IGHMBP2: variants seen among roughly 807,000 people sequenced by gnomAD.
The protein encoded by IGHMBP2 is immunoglobulin mu DNA binding protein 2.
In IGHMBP2, 81 loss-of-function variants were observed where a neutral mutation model predicts 96.0. The ratio of observed to expected loss-of-function variants is 0.84; its 90% CI spans 0.71 to 1.01. The LOEUF is 1.01. Among genes scored for constraint, IGHMBP2 ranks in the 50% least tolerant of loss-of-function variants. IGHMBP2 has a pLI of 0.00. For synonymous variants in IGHMBP2, 557 were observed against 548.9 expected (o/e 1.01, Z -0.21); for missense variants, 1,227 against 1,306.3 (o/e 0.94, Z 0.94).
chr11:68,935,740 C>T (rs1173625975), intron 12 of IGHMBP2, among the ~76,000 whole-genome samples: 8 of 152,186 alleles, frequency 5.3e-5, no homozygotes, highest in Admixed American at 3.9e-4. Flanking sequence ...CCTCCATGCA[C>T]GGAGCCGCGG....
In IGHMBP2 at chr11:68,918,285, T is replaced by C. The variant is rs567655573; in HGVS notation, c.1060+402T>C. On this transcript the variant is annotated intron_variant, in intron 7 of 14. Coordinates refer to ENST00000255078, the MANE Select transcript of IGHMBP2 (RefSeq NM_002180.3). ...TGTGTGCTCTTTTTTTTCCTGCTCT[T>C]CTGGCTGGAGGGTTTTTTTTTTTAA... Among the ~76,000 whole-genome samples the C allele has an allele frequency of 9.9e-5, 15 of 152,110 alleles. No individual in the cohort carries two copies. In the East Asian group the frequency reaches 2.9e-3, roughly 29 times the overall value.
chr11:68,913,652 CTCATGTCTGTT>C (rs2154007094), intron 5 of IGHMBP2, among the ~76,000 whole-genome samples: 1 of 151,204 alleles, frequency 6.6e-6, no homozygotes, highest in South Asian at 2.2e-4. Flanking sequence ...GGTGCAGCGG[CTCATGTCTGTT>C]ATCCTAGCGC....
At position 68,917,662 on chromosome 11, in the gene IGHMBP2, G is replaced by A. The variant is rs1858721816; in HGVS notation, c.913-74G>A. 3 of 1,199,852 alleles carry A rather than the reference G, an allele frequency of 2.5e-6. No individual in the cohort carries two copies. In the Admixed American group the frequency reaches 5.1e-5, roughly 21 times the overall value. 74.3% of individuals were successfully genotyped at this position (1,199,852 alleles called of 1,614,324 possible). A position where few individuals can be genotyped will look rare whatever the true frequency, so the allele number is the denominator to read the frequency against. ...TATTGAACTGGACTGAATGATAGAAGCACTTCATAAATAGAGTTGAAGAAG... is the reference window on the plus strand; with the variant it reads ...TATTGAACTGGACTGAATGATAGAAACACTTCATAAATAGAGTTGAAGAAG... On this transcript the variant is annotated intron_variant, in intron 6 of 14. Transcript: ENST00000255078.
chr11:68,904,088 C>T, intron 1 of IGHMBP2, 50 bp downstream of exon 1: 1 of 1,438,964 alleles, frequency 6.9e-7, no homozygotes, highest in Non-Finnish European at 9.6e-7. Context: ...CCGCCGTGTC[C>T]CGGGCAGAGT....
chr11:68,913,036 C>T (rs1399138356), intron 5 of IGHMBP2, among the ~76,000 whole-genome samples: 5 of 75,526 alleles, frequency 6.6e-5, no homozygotes, highest in Middle Eastern at 0.02. Context: ...GAGCAAAACT[C>T]CATCTCCAAA....
intron 2 of IGHMBP2, among the ~76,000 whole-genome samples, chr11:68,907,600 G>A (rs548835024): frequency 2.1e-4 from 32 of 152,220 alleles, no homozygotes; most frequent in Non-Finnish European, 2.4e-4. Flanking sequence ...TTTTGATTTC[G>A]TAGACTTTAG....
chr11:68,921,763 T>G (rs921203031), intron 7 of IGHMBP2, among the ~76,000 whole-genome samples: 1 of 152,232 alleles, frequency 6.6e-6, no homozygotes, highest in Non-Finnish European at 1.5e-5. Flanking sequence ...GGCATCATTT[T>G]CCTTCCACCT....
At chr11:68,904,136 T>G (rs909103948) in intron 1 of IGHMBP2, 98 bp downstream of exon 1, 1 of 1,041,254 alleles carries the variant, frequency 9.6e-7, no homozygotes, top group Non-Finnish European at 1.5e-6. Flanking sequence ...GGGCGGGAAT[T>G]TCGTCTCCGA....
chr11:68,936,744 G>A lies in IGHMBP2; in HGVS notation c.2264G>A (p.Arg755Lys), dbSNP rs1354540556. The part of the protein sequence containing the change: ...EFPPSLNSHD[R>K]LRVHQIAEEH... ...CCTCCTTCCCTCAATTCCCACGACA[G>A]GCTGCGGGTCCACCAAATAGCCGAG... The change falls in exon 13 of 15, where the codon AGG becomes AAG. Residue 755 changes from arginine (R) to lysine (K), a missense_variant. Physicochemically the swap from Arg to Lys is conservative, Grantham distance 26. Coordinates refer to ENST00000255078, the MANE Select transcript of IGHMBP2 (RefSeq NM_002180.3). 1.2e-6 allele frequency: 2 copies of A among 1,614,096 alleles called. No homozygotes were observed. Among genetic ancestry groups the A allele is most frequent in the South Asian group, 2.2e-5 (2 of 91,090 alleles).
Position 68,911,612 on chromosome 11 carries a change from T to C in IGHMBP2, c.711+9T>C. ...TGAAACAAGGCTTAAAGGTGGGCAGTGCATGCCACTTCCCTGTCAGAGCCC... is the reference window on the plus strand; with the variant it reads ...TGAAACAAGGCTTAAAGGTGGGCAGCGCATGCCACTTCCCTGTCAGAGCCC... On this transcript the variant is annotated intron_variant, in intron 5 of 14. Transcript: ENST00000255078. The C allele has an allele frequency of 6.2e-7, 1 of 1,613,908 alleles. No homozygotes were observed. Among genetic ancestry groups the C allele is most frequent in the Non-Finnish European group, 8.5e-7 (1 of 1,179,898 alleles).
chr11:68,905,667 C>T (rs1182791292), intron 1 of IGHMBP2, among the ~76,000 whole-genome samples: 1 of 152,110 alleles, frequency 6.6e-6, no homozygotes, highest in East Asian at 1.9e-4. Context: ...TTTGATTGGA[C>T]GTGGAGAGGC....
rs536119837 is a variant in IGHMBP2, at chr11:68,914,787, A to C, written c.712-36A>C. 3.0e-4 allele frequency: 484 copies of C among 1,611,152 alleles called. 1 individual carries two copies. The highest frequency in any genetic ancestry group is 1.2e-3 in the South Asian group (106 of 91,002). ...GTGTCAACTTCAGTGGTTTGATTAC[A>C]AAGTAAATGACCAGATCCTAACTTG... On this transcript the variant is annotated intron_variant, in intron 5 of 14. Transcript: ENST00000255078.
intron 6 of IGHMBP2, among the ~76,000 whole-genome samples, chr11:68,916,738 A>T (rs980141554): frequency 3.3e-5 from 5 of 151,842 alleles, no homozygotes; most frequent in Non-Finnish European, 7.4e-5. Flanking sequence ...CAGCGTGGGG[A>T]TGGGCCGCCT....
rs746766846 is a variant in IGHMBP2 at position 68,936,742 on chromosome 11, C to T, written c.2262C>T (p.Asp754=). 2 of 1,613,990 alleles carry T rather than the reference C, an allele frequency of 1.2e-6. No homozygotes were observed. The highest frequency in any genetic ancestry group is 1.7e-5 in the Admixed American group (1 of 60,012). ...LEFPPSLNSH[D]RLRVHQIAEE... is the part of the protein sequence containing the mutation. The stretch of plus-strand genomic sequence containing the variant: ...TTCCTCCTTCCCTCAATTCCCACGA[C>T]AGGCTGCGGGTCCACCAAATAGCCG... Residue 754 remains aspartate, a synonymous_variant, in exon 13 of 15, where the codon GAC becomes GAT. Transcript: ENST00000255078.
intron 11 of IGHMBP2, 46 bp from the exon 12 acceptor site, chr11:68,935,253 G>A (rs769159328): frequency 1.6e-5 from 25 of 1,611,018 alleles, no homozygotes; most frequent in African/African-American, 5.3e-5. Flanking sequence ...GTCTTGCTGC[G>A]CTGGCATGGG....
intron 5 of IGHMBP2, among the ~76,000 whole-genome samples, chr11:68,912,266 G>T (rs757324659): frequency 1.1e-4 from 16 of 152,054 alleles, no homozygotes; most frequent in Non-Finnish European, 1.6e-4. Flanking sequence ...CGAACAGCTG[G>T]GATTATAGGC....
rs775138577 is a variant in IGHMBP2 at position 68,936,413 on chromosome 11, G to T, written c.1933G>T (p.Asp645Tyr). 1 of 1,614,132 alleles carries T rather than the reference G, an allele frequency of 6.2e-7. No individual in the cohort carries two copies. The highest frequency in any genetic ancestry group is 2.2e-5 in the East Asian group (1 of 44,880). Residue 645 changes from aspartate to tyrosine, a missense_variant, in exon 13 of 15, where the codon GAT (aspartate) becomes TAT (tyrosine). Transcript: ENST00000255078. ...ACGCACGGCCTTTGAGTATCTTGAC[G>T]ATATTGTCCCAGAAAACTATTCCCA... Reference protein sequence around the residue: ...EVRTAFEYLDDIVPENYSHEN... With the variant: ...EVRTAFEYLDYIVPENYSHEN...
chr11:68,914,695 T>G, intron 5 of IGHMBP2, 128 bp from the exon 6 acceptor site: 1 of 977,662 alleles, frequency 1.0e-6, no homozygotes, highest in Non-Finnish European at 1.6e-6. Flanking sequence ...GAATGCAAGA[T>G]TTGATTGAGA....
Position 68,936,491 on chromosome 11 carries a change from A to AC in IGHMBP2, c.2012dup (p.Ser672ValfsTer34). 6.2e-7 allele frequency: 1 copy of AC among 1,613,520 alleles called. No individual in the cohort carries two copies. ...TGCCACCAAGCCCCAGGGACCTGCT[A>AC]CGTCCACCAGGACCGGAAGCCAGCG... On this transcript the variant is annotated frameshift_variant, in exon 13 of 15. Coordinates refer to ENST00000255078, the MANE Select transcript of IGHMBP2 (RefSeq NM_002180.3). LOFTEE classifies it high-confidence loss of function.
Sources: allele counts gnomAD v4.1 joint callset (sites outside exome capture counted in the v4.1 genomes callset), GRCh38; gene constraint gnomAD v4.1.1; transcripts MANE v1.5; gene names NCBI Gene and HGNC (gene_info 2026-07-23, HGNC 2026-07-21).